HPSE2: variants seen among roughly 807,000 people sequenced by gnomAD.
HPSE2 encodes the protein heparanase 2 (inactive).
A neutral mutation model predicts 60.5 loss-of-function variants in HPSE2; 38 were observed. The ratio of observed to expected loss-of-function variants is 0.63; its 90% CI spans 0.48 to 0.82. The LOEUF (loss-of-function observed/expected upper bound fraction) is 0.82. Among genes scored for constraint, HPSE2 ranks in the 40% least tolerant of loss-of-function variants. The pLI is 0.00. For synonymous variants in HPSE2, 295 were observed against 293.2 expected, an observed-to-expected ratio of 1.01 and a Z score of -0.06; for missense variants, 713 against 740.4, an observed-to-expected ratio of 0.96 and a Z score of 0.43.
At chr10:98,624,732 T>C (rs1397118464) in intron 7 of HPSE2, among the ~76,000 whole-genome samples, 1 of 152,230 alleles carries the variant, frequency 6.6e-6, no homozygotes, top group Non-Finnish European at 1.5e-5. Flanking sequence ...TTTCCTCACA[T>C]GTAAGCTGGA....
At chr10:98,986,925 C>A (rs1956372910) in intron 3 of HPSE2, among the ~76,000 whole-genome samples, 2 of 152,110 alleles carry the variant, frequency 1.3e-5, no homozygotes, top group African/African-American at 2.4e-5. Flanking sequence ...CACATAAACC[C>A]TCCCAAGACT....
chr10:99,142,985 T>C (rs927313396), intron 3 of HPSE2, among the ~76,000 whole-genome samples: 3 of 151,954 alleles, frequency 2.0e-5, no homozygotes, highest in Non-Finnish European at 4.4e-5. Context: ...CACACACACA[T>C]GCACAAATAC....
intron 3 of HPSE2, among the ~76,000 whole-genome samples, chr10:98,753,284 C>G (rs966539892): frequency 2.0e-5 from 3 of 152,080 alleles, no homozygotes; most frequent in Non-Finnish European, 4.4e-5. Flanking sequence ...GAAATTGGAA[C>G]GCTTTGCATT....
intron 3 of HPSE2, among the ~76,000 whole-genome samples, chr10:99,096,130 T>G (rs1843710839): frequency 6.6e-6 from 1 of 152,200 alleles, no homozygotes; most frequent in Non-Finnish European, 1.5e-5. Context: ...GAAATTGAGA[T>G]CATTCAGCAG....
At chr10:98,646,777 AT>A (rs758154112) in intron 6 of HPSE2, among the ~76,000 whole-genome samples, 1 of 152,162 alleles carries the variant, frequency 6.6e-6, no homozygotes, top group Non-Finnish European at 1.5e-5. Flanking sequence ...GTTGCCCTTT[AT>A]TTTTATTACA....
chr10:99,175,889 C>A (rs1183584740), intron 2 of HPSE2, among the ~76,000 whole-genome samples: 1 of 152,162 alleles, frequency 6.6e-6, no homozygotes, highest in African/African-American at 2.4e-5. Context: ...TGGCATCTGG[C>A]AGGTGTCCCC....
In HPSE2 at chr10:99,152,809, C is replaced by G. The variant is rs192187666; in HGVS notation, c.449-8410G>C. Among the ~76,000 whole-genome samples, 204 of 152,280 alleles carry G rather than the reference C, an allele frequency of 1.3e-3. 2 individuals are homozygous for G. The highest frequency in any genetic ancestry group is 4.6e-3 in the African/African-American group (192 of 41,560). On this transcript the variant is annotated intron_variant, in intron 2 of 11. Coordinates refer to ENST00000370552, the MANE Select transcript of HPSE2 (RefSeq NM_021828.5). ...CTCCCAGCGTGAGTGACGCAGAAGA[C>G]GGGTGATTTCTGCATTTCCATCTGA...
chr10:98,737,527 C>A lies in HPSE2; in HGVS notation c.784+6356G>T, dbSNP rs1487360565. On this transcript the variant is annotated intron_variant, in intron 4 of 11. Coordinates refer to ENST00000370552, the MANE Select transcript of HPSE2 (RefSeq NM_021828.5). ...TTGGCTAGGGGAGGGAGTTCTCTGA[C>A]CCCTTGCACTTCCTGGGTGAGGTGA... 2.0e-5 allele frequency among the ~76,000 whole-genome samples: 3 copies of A among 151,582 alleles called. 1 individual carries two copies. The highest frequency in any genetic ancestry group is 4.4e-5 in the Non-Finnish European group (3 of 67,964).
At chr10:98,952,787 T>C (rs1441715030) in intron 3 of HPSE2, among the ~76,000 whole-genome samples, 1 of 152,186 alleles carries the variant, frequency 6.6e-6, no homozygotes, top group East Asian at 1.9e-4. Flanking sequence ...TCACATGGCC[T>C]TCCCTTGGTG....
intron 9 of HPSE2, among the ~76,000 whole-genome samples, chr10:98,587,508 A>G (rs1944970703): frequency 6.6e-6 from 1 of 152,216 alleles, no homozygotes; most frequent in Non-Finnish European, 1.5e-5. Context: ...ACTTAGGGCC[A>G]GAAAATTTTC....
chr10:99,251,117 A>C, the HPSE2 span, among the ~76,000 whole-genome samples: 5 of 152,188 alleles, frequency 3.3e-5, no homozygotes, highest in African/African-American at 1.2e-4. Flanking sequence ...TTAACAAAGA[A>C]AAAATAGAGA....
At chr10:98,963,785 A>G (rs1292759924) in intron 3 of HPSE2, among the ~76,000 whole-genome samples, 2 of 152,132 alleles carry the variant, frequency 1.3e-5, no homozygotes, top group East Asian at 1.9e-4. Flanking sequence ...GGCATTTCCA[A>G]TTGAGGATTA....
At chr10:99,125,128 T>C (rs773835371) in intron 3 of HPSE2, among the ~76,000 whole-genome samples, 4 of 152,288 alleles carry the variant, frequency 2.6e-5, no homozygotes, top group South Asian at 2.1e-4. Context: ...AAAATAGCTA[T>C]AAAACCTCTT....
intron 3 of HPSE2, among the ~76,000 whole-genome samples, chr10:98,949,659 T>C (rs979399130): frequency 3.3e-5 from 5 of 152,166 alleles, no homozygotes; most frequent in African/African-American, 1.2e-4. Flanking sequence ...TTTGTCTAAG[T>C]TGGACAGACC....
intron 7 of HPSE2, among the ~76,000 whole-genome samples, chr10:98,633,429 G>A (rs1263376376): frequency 6.6e-6 from 1 of 151,970 alleles, no homozygotes; most frequent in African/African-American, 2.4e-5. Flanking sequence ...ACCCAGGTTG[G>A]CCTCGAACTC....
intron 6 of HPSE2, among the ~76,000 whole-genome samples, chr10:98,679,849 C>A (rs985705760): frequency 1.3e-5 from 2 of 151,826 alleles, no homozygotes; most frequent in African/African-American, 2.4e-5. Context: ...GCCACCACAC[C>A]CGGCTAATTT....
intron 2 of HPSE2, among the ~76,000 whole-genome samples, chr10:99,153,832 G>T (rs2135808022): frequency 6.6e-6 from 1 of 151,870 alleles, no homozygotes; most frequent in Non-Finnish European, 1.5e-5. Flanking sequence ...CAAACCAAAG[G>T]TAAAGAAGTT....
intron 3 of HPSE2, among the ~76,000 whole-genome samples, chr10:98,890,078 A>G (rs1292219127): frequency 6.6e-6 from 1 of 152,186 alleles, no homozygotes; most frequent in Non-Finnish European, 1.5e-5. Flanking sequence ...TAGTTATCTT[A>G]TATGTAGTTG....
intron 2 of HPSE2, among the ~76,000 whole-genome samples, chr10:99,223,368 G>A (rs1279545099): frequency 6.6e-6 from 1 of 152,130 alleles, no homozygotes; most frequent in Non-Finnish European, 1.5e-5. Context: ...TTGGGCTGCA[G>A]AGAAACATTC....
Sources: allele counts gnomAD v4.1 joint callset (sites outside exome capture counted in the v4.1 genomes callset), GRCh38; gene constraint gnomAD v4.1.1; transcripts MANE v1.5; gene names NCBI Gene and HGNC (gene_info 2026-07-23, HGNC 2026-07-21).